Variants in NMNAT3 observed in about 807,000 individuals in gnomAD.
NMNAT3 encodes the protein nicotinamide/nicotinic acid mononucleotide adenylyltransferase 3.
A neutral mutation model predicts 24.8 loss-of-function variants in NMNAT3; 21 were observed. That is an observed-to-expected ratio of 0.85 (90% CI 0.60 to 1.22). The LOEUF (loss-of-function observed/expected upper bound fraction) is 1.22, where lower values mean the gene tolerates loss of function less well. Among genes scored for constraint, NMNAT3 ranks in the 50% most tolerant of loss-of-function variants. The pLI is 0.00. For missense variants in NMNAT3, 387 were observed against 436.6 expected, an observed-to-expected ratio of 0.89 and a Z score of 1.01; for synonymous variants, 136 against 155.2, an observed-to-expected ratio of 0.88 and a Z score of 0.92.
intron 4 of NMNAT3, among the ~76,000 whole-genome samples, chr3:139,582,639 C>CAAAAAAAAAAAAAA (rs58495559): frequency 3.5e-5 from 2 of 57,488 alleles, no homozygotes; most frequent in African/African-American, 8.1e-5. Context: ...GGGACTGTCT[C>CAAAAAAAAAAAAAA]AAAAAAAAAA....
chr3:139,653,473 T>C (rs1171116775), intron 1 of NMNAT3, among the ~76,000 whole-genome samples: 4 of 152,244 alleles, frequency 2.6e-5, no homozygotes, highest in African/African-American at 9.6e-5. Context: ...TTTATACTCA[T>C]AGCTCATTAG....
chr3:139,652,073 C>G (rs1160916519), intron 1 of NMNAT3, among the ~76,000 whole-genome samples: 1 of 152,160 alleles, frequency 6.6e-6, no homozygotes, highest in Non-Finnish European at 1.5e-5. Context: ...CCCCCAAAGC[C>G]TAGGCTGGAG....
At chr3:139,616,116 G>C (rs1441615501) in intron 3 of NMNAT3, among the ~76,000 whole-genome samples, 1 of 152,004 alleles carries the variant, frequency 6.6e-6, no homozygotes, top group Non-Finnish European at 1.5e-5. Context: ...CAATACCACT[G>C]CTTCAACAAA....
At chr3:139,599,399 A>T (rs1846021) in intron 3 of NMNAT3, 290,498 of 701,956 alleles carry the variant, frequency 0.41, 65,670 homozygotes, top group South Asian at 0.64. Flanking sequence ...ACTTTTGCCC[A>T]TTTTCTTCTT....
At chr3:139,582,063 T>G (rs1211327112) in intron 4 of NMNAT3, among the ~76,000 whole-genome samples, 1 of 150,828 alleles carries the variant, frequency 6.6e-6, no homozygotes, top group Non-Finnish European at 1.5e-5. Flanking sequence ...GGCATAATGG[T>G]GTGTGCCTGT....
chr3:139,577,450 T>C (rs1295882680), intron 5 of NMNAT3, among the ~76,000 whole-genome samples: 2 of 152,234 alleles, frequency 1.3e-5, no homozygotes, highest in Non-Finnish European at 2.9e-5. Flanking sequence ...AAATCACTTA[T>C]ATCAAGTAAT....
chr3:139,605,814 C>T (rs1250298840), intron 3 of NMNAT3, among the ~76,000 whole-genome samples: 4 of 151,894 alleles, frequency 2.6e-5, no homozygotes, highest in African/African-American at 4.8e-5. Context: ...ATGCCAACCT[C>T]ATGGGATTGT....
intron 1 of NMNAT3, among the ~76,000 whole-genome samples, chr3:139,658,743 A>G (rs1047525623): frequency 4.6e-5 from 7 of 152,232 alleles, no homozygotes; most frequent in African/African-American, 7.2e-5. Context: ...GCATGTTATT[A>G]ACCAGAATTC....
At chr3:139,619,593 G>A (rs982228507) in intron 3 of NMNAT3, among the ~76,000 whole-genome samples, 1 of 152,100 alleles carries the variant, frequency 6.6e-6, no homozygotes, top group East Asian at 1.9e-4. Flanking sequence ...ACAGTGTGTA[G>A]GTAGACCTGT....
chr3:139,579,124 G>T, intron 4 of NMNAT3, 69 bp from the exon 5 acceptor site: 2 of 1,356,866 alleles, frequency 1.5e-6, no homozygotes, highest in East Asian at 2.4e-5. Flanking sequence ...CTGAATTCAG[G>T]CAGGTGCTAA....
intron 3 of NMNAT3, among the ~76,000 whole-genome samples, chr3:139,595,437 T>C (rs2054403616): frequency 1.3e-5 from 2 of 152,230 alleles, no homozygotes; most frequent in African/African-American, 4.8e-5. Context: ...CCAATGACTT[T>C]CTTCACAGAA....
chr3:139,649,079 T>C (rs2056968617), intron 1 of NMNAT3, among the ~76,000 whole-genome samples: 2 of 152,190 alleles, frequency 1.3e-5, no homozygotes, highest in African/African-American at 4.8e-5. Flanking sequence ...AGTATTACTT[T>C]ATACTAATGC....
At chr3:139,633,948 G>A (rs2056402260) in intron 2 of NMNAT3, among the ~76,000 whole-genome samples, 1 of 152,222 alleles carries the variant, frequency 6.6e-6, no homozygotes. Flanking sequence ...GGGACAGTGG[G>A]TACATCAGAA....
At chr3:139,578,722 CT>C (rs35895983) in intron 5 of NMNAT3, 149 bp downstream of exon 5, 98,127 of 619,116 alleles carry the variant, frequency 0.16, 9,698 homozygotes, top group Non-Finnish European at 0.21. Context: ...GTTGATCTCT[CT>C]CCTGCTAAGT....
chr3:139,627,837 A>C, intron 2 of NMNAT3, 73 bp from the exon 4 acceptor site: 1 of 552,730 alleles, frequency 1.8e-6, no homozygotes, highest in Non-Finnish European at 3.1e-6. Flanking sequence ...TCTCTAAACC[A>C]CACACAGACC....
At chr3:139,603,165 G>C (rs562934774) in intron 3 of NMNAT3, among the ~76,000 whole-genome samples, 2 of 152,308 alleles carry the variant, frequency 1.3e-5, no homozygotes, top group East Asian at 3.9e-4. Flanking sequence ...TTTTACTGCA[G>C]ATTGCGGATC....
At chr3:139,567,148 G>A (rs1181054755) in intron 6 of NMNAT3, 1 of 152,094 alleles carries the variant, frequency 6.6e-6, no homozygotes, top group African/African-American at 2.4e-5. Flanking sequence ...GTTCACTCAC[G>A]ATTTGGCTGT....
At chr3:139,568,328 G>C (rs1327398002) in intron 6 of NMNAT3, 2 of 152,064 alleles carry the variant, frequency 1.3e-5, no homozygotes, top group African/African-American at 4.8e-5. Context: ...GGGTGTTTTT[G>C]TGTCTCTATT....
At chr3:139,635,947 A>AC (rs1001960638) in intron 2 of NMNAT3, 6 of 152,158 alleles carry the variant, frequency 3.9e-5, no homozygotes, top group Admixed American at 1.3e-4. Flanking sequence ...TACTCTTGCT[A>AC]CCTGGAATGT....
Sources: gnomAD v4.1 joint callset for allele counts (sites outside exome capture counted in the v4.1 genomes callset) on GRCh38, gnomAD v4.1.1 for gene constraint, MANE v1.5 for transcripts, NCBI Gene and HGNC (gene_info 2026-07-23, HGNC 2026-07-21) for gene names.